The following ZNF609 variants were observed in gnomAD, a reference collection of about 807,000 sequenced individuals.
ZNF609 encodes zinc finger protein 609.
ZNF609 carries 11 observed loss-of-function variants against 109.5 expected under a neutral mutation model. That is an observed-to-expected ratio of 0.10 (90% CI 0.06 to 0.17). The LOEUF is 0.17. Ranked by LOEUF, ZNF609 falls within the 10% of genes least tolerant of loss-of-function variation. The pLI, the probability that ZNF609 is intolerant of heterozygous loss-of-function variation, is 1.00. For missense variants in ZNF609, 1,559 were observed against 1,772.4 expected (o/e 0.88, Z 2.16); for synonymous variants, 646 against 662.0 (o/e 0.98, Z 0.37).
rs911949761 is a variant in ZNF609 at position 64,460,584 on chromosome 15, C to G, written c.-382C>G. 6.6e-6 allele frequency among the ~76,000 whole-genome samples: 1 copy of G among 151,956 alleles called. No individual in the cohort carries two copies. The highest frequency in any genetic ancestry group is 2.4e-5 in the African/African-American group (1 of 41,326). On this transcript the variant is annotated 5_prime_UTR_variant, in exon 1 of 10. Coordinates refer to ENST00000326648, the MANE Select transcript of ZNF609 (RefSeq NM_015042.2). The stretch of plus-strand genomic sequence containing the variant: ...GCGTCTTCCGGGTGACTCTGGTTGT[C>G]CCGGATCGCGGCGGCGGCGGCGGTG...
At chr15:64,625,067 C>T (rs954260979) in intron 3 of ZNF609, among the ~76,000 whole-genome samples, 5 of 152,070 alleles carry the variant, frequency 3.3e-5, no homozygotes, top group African/African-American at 1.2e-4. Flanking sequence ...CCAGTTTGTA[C>T]TCTTAAGGTA....
At chr15:64,673,122 A>T (rs975465030) in intron 4 of ZNF609, among the ~76,000 whole-genome samples, 6 of 152,226 alleles carry the variant, frequency 3.9e-5, no homozygotes, top group African/African-American at 1.2e-4. Flanking sequence ...GAGTAGGTTG[A>T]TAACAAGGAA....
intron 1 of ZNF609, among the ~76,000 whole-genome samples, chr15:64,469,631 T>C (rs751094933): frequency 1.3e-5 from 2 of 152,078 alleles, no homozygotes; most frequent in African/African-American, 2.4e-5. Context: ...TATTAGGCCA[T>C]CTTTTTTTGG....
chr15:64,559,460 G>C (rs1894644328), intron 2 of ZNF609, among the ~76,000 whole-genome samples: 1 of 152,188 alleles, frequency 6.6e-6, no homozygotes, highest in Admixed American at 6.5e-5. Flanking sequence ...AGCCAAGTTG[G>C]AATCTGAGAA....
intron 3 of ZNF609, among the ~76,000 whole-genome samples, chr15:64,668,830 A>G (rs1460237535): frequency 6.6e-6 from 1 of 151,608 alleles, no homozygotes; most frequent in Non-Finnish European, 1.5e-5. Flanking sequence ...GTGCATGCCT[A>G]TAATCCTAGC....
rs747894291 is a variant in ZNF609 at position 64,680,795 on chromosome 15, ACAC to A, written c.4111_4113del (p.His1371del). On this transcript the variant is annotated inframe_deletion, in exon 8 of 10. Transcript: ENST00000326648. ...CTCCTTCCCAGCGCCTGATGTCCAC[ACAC>A]CACCACCACCACCACTTGGGGTACT... 352 of 1,612,944 alleles carry A rather than the reference ACAC, an allele frequency of 2.2e-4. No homozygotes were observed. In the African/African-American group the frequency reaches 3.5e-3, roughly 16 times the overall value.
chr15:64,561,002 A>G (rs1416010330), intron 2 of ZNF609, among the ~76,000 whole-genome samples: 3 of 152,304 alleles, frequency 2.0e-5, no homozygotes, highest in Admixed American at 1.3e-4. Context: ...CAAGGCCCCA[A>G]ATTTCTACGT....
At chr15:64,544,385 G>T (rs1011565530) in intron 2 of ZNF609, among the ~76,000 whole-genome samples, 8 of 152,094 alleles carry the variant, frequency 5.3e-5, no homozygotes, top group Admixed American at 1.3e-4. Flanking sequence ...AGTAATAATC[G>T]TTAAAACCAA....
intron 3 of ZNF609, among the ~76,000 whole-genome samples, chr15:64,640,553 C>T (rs1896239298): frequency 6.6e-6 from 1 of 152,192 alleles, no homozygotes; most frequent in Non-Finnish European, 1.5e-5. Flanking sequence ...AAAAGTGCCT[C>T]GCATAAGCCA....
chr15:64,546,436 CT>C (rs113149337), intron 2 of ZNF609, among the ~76,000 whole-genome samples: 336 of 140,226 alleles, frequency 2.4e-3, no homozygotes, highest in Non-Finnish European at 2.3e-3. Context: ...ATGTTTCTTT[CT>C]TTTTTTTTTT....
chr15:64,599,030 CT>C lies in ZNF609; in HGVS notation c.748-23795del, dbSNP rs142241343. On this transcript the variant is annotated intron_variant, in intron 2 of 9. Transcript: ENST00000326648. ...TTGTGTTTATGTATATTATTGAATC[CT>C]TAAAAATACTCACATGACCCCTTCA... Among the ~76,000 whole-genome samples the C allele has an allele frequency of 3.8e-3, 568 of 150,518 alleles. 6 individuals carry two copies. Among genetic ancestry groups the C allele is most frequent in the African/African-American group, 0.013 (545 of 41,266 alleles).
rs763900074 is a variant in ZNF609, at chr15:64,674,088, G to A, written c.1234G>A (p.Gly412Ser). Residue 412 changes from glycine (G) to serine (S), a missense_variant, in exon 5 of 10, where the codon GGC (glycine) becomes AGC (serine). Gly to Ser is a moderately conservative substitution (Grantham distance 56). Coordinates refer to ENST00000326648, the MANE Select transcript of ZNF609 (RefSeq NM_015042.2). ...AGGAGCCAATAGCAAAGGCCGTCGG[G>A]GCAGCCAGAATTCTTCAGAGCACCG... ...RAGANSKGRR[G>S]SQNSSEHRPP... is the part of the protein sequence containing the mutation. The A allele has an allele frequency of 1.9e-6, 3 of 1,614,170 alleles. No homozygotes were observed. The highest frequency in any genetic ancestry group is 2.5e-6 in the Non-Finnish European group (3 of 1,180,024).
intron 2 of ZNF609, among the ~76,000 whole-genome samples, chr15:64,601,007 C>T (rs1399895657): frequency 1.3e-5 from 2 of 152,114 alleles, no homozygotes; most frequent in African/African-American, 4.8e-5. Context: ...ATCACCTTCT[C>T]CCATTTGTTC....
intron 2 of ZNF609, among the ~76,000 whole-genome samples, chr15:64,598,245 C>T (rs1399742533): frequency 6.6e-6 from 1 of 152,042 alleles, no homozygotes; most frequent in East Asian, 1.9e-4. Context: ...CACCCAAATA[C>T]CTGGGATTAC....
chr15:64,608,594 TGACTATTTA>T (rs1895651255), intron 2 of ZNF609, among the ~76,000 whole-genome samples: 1 of 152,180 alleles, frequency 6.6e-6, no homozygotes, highest in Non-Finnish European at 1.5e-5. Context: ...TCTCTTGTGT[TGACTATTTA>T]CAACTACATT....
chr15:64,476,663 C>G (rs957845582), intron 1 of ZNF609, among the ~76,000 whole-genome samples: 2 of 152,180 alleles, frequency 1.3e-5, no homozygotes, highest in African/African-American at 4.8e-5. Flanking sequence ...TTGCTGGCAT[C>G]ACTGGAAGTT....
Position 64,668,952 on chromosome 15 carries a change from C to CAAAAAA in ZNF609, c.974-1374_974-1369dup, listed in dbSNP as rs538954402. The stretch of plus-strand genomic sequence containing the variant: ...GGGCAACAAGAGCGAAACTCCGTCT[C>CAAAAAA]AAAAAAAAAAAAAAAAAAAAAAAAA... On this transcript the variant is annotated intron_variant, in intron 3 of 9. Transcript: ENST00000326648. 2.0e-4 allele frequency among the ~76,000 whole-genome samples: 7 copies of CAAAAAA among 34,912 alleles called. No homozygotes were observed. In the East Asian group the frequency reaches 2.7e-3, roughly 13 times the overall value. 22.9% of individuals were successfully genotyped at this position (34,912 alleles called of 152,430 possible). A position where few individuals can be genotyped will look rare whatever the true frequency, so the allele number is the denominator to read the frequency against.
chr15:64,658,498 A>G (rs1207443092), intron 3 of ZNF609, among the ~76,000 whole-genome samples: 1 of 151,952 alleles, frequency 6.6e-6, no homozygotes, highest in African/African-American at 2.4e-5. Context: ...CGTCCAGCCT[A>G]ACTTAAAAAT....
intron 3 of ZNF609, among the ~76,000 whole-genome samples, chr15:64,653,511 C>T (rs1489942123): frequency 9.9e-5 from 15 of 151,996 alleles, no homozygotes; most frequent in Admixed American, 3.3e-4. Context: ...CTGGGTGTGG[C>T]GGCGTGCGCC....
Sources: gnomAD v4.1 joint callset for allele counts (sites outside exome capture counted in the v4.1 genomes callset) on GRCh38, gnomAD v4.1.1 for gene constraint, MANE v1.5 for transcripts, NCBI Gene and HGNC (gene_info 2026-07-23, HGNC 2026-07-21) for gene names.